The following ACTR3C variants were observed in gnomAD, a reference collection of about 807,000 sequenced individuals.
ACTR3C encodes actin-related protein 3C.
ACTR3C carries 18 observed loss-of-function variants against 26.3 expected under a neutral mutation model. The ratio of observed to expected loss-of-function variants is 0.68; its 90% CI spans 0.47 to 1.01. The LOEUF is 1.01. Among genes scored for constraint, ACTR3C ranks in the 50% least tolerant of loss-of-function variants. ACTR3C has a pLI of 0.00. For synonymous variants in ACTR3C, 55 were observed against 94.5 expected, an observed-to-expected ratio of 0.58 and a Z score of 2.42; for missense variants, 184 against 250.7, an observed-to-expected ratio of 0.73 and a Z score of 1.80.
At chr7:150,016,059 A>T in the ACTR3C span, among the ~76,000 whole-genome samples, 1 of 151,976 alleles carries the variant, frequency 6.6e-6, no homozygotes, top group South Asian at 2.1e-4. Context: ...AAAGAGAGGC[A>T]CAATGCTTCA....
the ACTR3C span, among the ~76,000 whole-genome samples, chr7:150,015,060 G>A: frequency 7.2e-5 from 11 of 152,224 alleles, no homozygotes; most frequent in East Asian, 1.5e-3. Context: ...AGATATAAAA[G>A]GACTTCTGCA....
At chr7:150,134,521 G>A in the ACTR3C span, among the ~76,000 whole-genome samples, 2 of 152,184 alleles carry the variant, frequency 1.3e-5, no homozygotes, top group East Asian at 1.9e-4. Flanking sequence ...ACATGAACAC[G>A]TGCCCAAACA....
chr7:150,310,936 A>T (rs1796264639), intron 1 of ACTR3C, among the ~76,000 whole-genome samples: 1 of 152,142 alleles, frequency 6.6e-6, no homozygotes. Flanking sequence ...AGTGTTACAT[A>T]TCTCGGCATA....
At chr7:150,199,725 C>CAAAAAAAAAA in the ACTR3C span, among the ~76,000 whole-genome samples, 3 of 86,070 alleles carry the variant, frequency 3.5e-5, no homozygotes, top group African/African-American at 4.9e-5. Flanking sequence ...ATATTTTTAT[C>CAAAAAAAAAA]AAAAAAAAAA....
At chr7:150,037,105 C>A in the ACTR3C span, among the ~76,000 whole-genome samples, 4 of 92,606 alleles carry the variant, frequency 4.3e-5, no homozygotes, top group African/African-American at 1.1e-4. Context: ...TCCTAAGAGC[C>A]AGGGGGGGAA....
At chr7:150,036,609 T>C in the ACTR3C span, among the ~76,000 whole-genome samples, 1 of 143,670 alleles carries the variant, frequency 7.0e-6, no homozygotes, top group Non-Finnish European at 1.6e-5. Flanking sequence ...ATGTTTGGGA[T>C]CCACAGTCTA....
the ACTR3C span, among the ~76,000 whole-genome samples, chr7:150,035,998 G>T: frequency 5.3e-5 from 7 of 133,306 alleles, no homozygotes; most frequent in African/African-American, 1.5e-4. Context: ...CTCGCGGGGG[G>T]TGCCTCCGCC....
the ACTR3C span, among the ~76,000 whole-genome samples, chr7:150,025,488 T>C: frequency 9.6e-5 from 14 of 146,268 alleles, no homozygotes; most frequent in African/African-American, 3.0e-4. Context: ...CACAGGGAAG[T>C]TGAAGAAAGA....
the ACTR3C span, among the ~76,000 whole-genome samples, chr7:149,924,366 ACT>A: frequency 6.6e-6 from 1 of 151,934 alleles, no homozygotes. Flanking sequence ...CAAGAGTGAA[ACT>A]CTGACTCAAA....
chr7:149,961,665 C>T, the ACTR3C span, among the ~76,000 whole-genome samples: 5 of 151,338 alleles, frequency 3.3e-5, no homozygotes, highest in African/African-American at 1.2e-4. Flanking sequence ...TCTATGGGCT[C>T]ATAGAAGTAT....
In ACTR3C at chr7:150,295,303, T is replaced by C. The variant is rs1169440449; in HGVS notation, c.-7A>G. On this transcript the variant is annotated 5_prime_UTR_variant, in exon 2 of 8. Coordinates refer to ENST00000683684, the MANE Select transcript of ACTR3C (RefSeq NM_001164458.2). ...CGTTAAATGATTCGAACATAATTTC[T>C]GCAAGATACTCTCTGTTTTCTGGTG... 1 of 1,613,958 alleles carries C rather than the reference T, an allele frequency of 6.2e-7. No homozygotes were observed. Among genetic ancestry groups the C allele is most frequent in the Non-Finnish European group, 8.5e-7 (1 of 1,179,888 alleles).
At chr7:150,131,949 G>T in the ACTR3C span, among the ~76,000 whole-genome samples, 1 of 152,206 alleles carries the variant, frequency 6.6e-6, no homozygotes, top group Admixed American at 6.5e-5. Flanking sequence ...AAAGAAGCCA[G>T]CCATGAAAGA....
chr7:150,084,215 T>C, the ACTR3C span, among the ~76,000 whole-genome samples: 221 of 149,702 alleles, frequency 1.5e-3, 1 homozygote, highest in African/African-American at 5.1e-3. Context: ...TATTACTATG[T>C]ATACCAGTTA....
the ACTR3C span, among the ~76,000 whole-genome samples, chr7:150,148,284 C>T: frequency 6.6e-6 from 1 of 152,056 alleles, no homozygotes; most frequent in African/African-American, 2.4e-5. Context: ...CGAGACCAGC[C>T]TTGCCAACGT....
the ACTR3C span, chr7:149,891,083 A>G: frequency 3.3e-6 from 2 of 605,030 alleles, no homozygotes; most frequent in East Asian, 3.7e-5. Context: ...ATTCATGCAC[A>G]TATCTTTAGA....
the ACTR3C span, among the ~76,000 whole-genome samples, chr7:150,184,649 C>T: frequency 6.6e-6 from 1 of 150,544 alleles, no homozygotes; most frequent in Non-Finnish European, 1.5e-5. Flanking sequence ...CCTTCTCCAG[C>T]ACATCTGTAC....
chr7:150,036,507 T>A, the ACTR3C span, among the ~76,000 whole-genome samples: 1 of 145,594 alleles, frequency 6.9e-6, no homozygotes, highest in Non-Finnish European at 1.6e-5. Flanking sequence ...TTGTAACTCA[T>A]GAAAAACTTG....
chr7:150,202,321 G>GT, the ACTR3C span, among the ~76,000 whole-genome samples: 2,415 of 151,970 alleles, frequency 0.016, 72 homozygotes, highest in African/African-American at 0.055. Context: ...GTTTTTGCTT[G>GT]TTTTTTTAAA....
chr7:150,214,636 A>C, the ACTR3C span, among the ~76,000 whole-genome samples: 5 of 152,088 alleles, frequency 3.3e-5, no homozygotes, highest in African/African-American at 1.2e-4. Context: ...GACCGAAAAA[A>C]AGTTTGACAA....
Sources: allele counts gnomAD v4.1 joint callset (sites outside exome capture counted in the v4.1 genomes callset), GRCh38; gene constraint gnomAD v4.1.1; transcripts MANE v1.5; gene names NCBI Gene and HGNC (gene_info 2026-07-23, HGNC 2026-07-21).